The following COX7B2 variants were observed in gnomAD, a reference collection of about 807,000 sequenced individuals.
COX7B2 encodes cytochrome c oxidase subunit 7B2.
For missense variants in COX7B2, 109 were observed against 95.9 expected (o/e 1.14, Z -0.57); for synonymous variants, 37 against 32.1 (o/e 1.15, Z -0.51).
intron 1 of COX7B2, among the ~76,000 whole-genome samples, chr4:46,872,235 A>T (rs1718037654): frequency 2.6e-5 from 4 of 152,182 alleles, no homozygotes; most frequent in Admixed American, 2.0e-4. Flanking sequence ...AAAACCAAAT[A>T]CTACATGTTA....
chr4:46,759,472 G>T (rs866935310), intron 2 of COX7B2, among the ~76,000 whole-genome samples: 10 of 151,812 alleles, frequency 6.6e-5, no homozygotes, highest in African/African-American at 2.4e-4. Flanking sequence ...CTAATATCAA[G>T]AATCTACAAA....
chr4:46,811,326 GCT>G (rs544181190), intron 2 of COX7B2, among the ~76,000 whole-genome samples: 155 of 150,808 alleles, frequency 1.0e-3, no homozygotes, highest in African/African-American at 3.6e-3. Context: ...AGGCCTATAG[GCT>G]TTTTTTTTTT....
intron 2 of COX7B2, among the ~76,000 whole-genome samples, chr4:46,801,509 T>G (rs544930092): frequency 6.6e-6 from 1 of 152,108 alleles, no homozygotes; most frequent in East Asian, 1.9e-4. Context: ...TTCCTACTTA[T>G]AAGTGAGAAC....
chr4:46,892,782 G>A (rs1265780344), intron 1 of COX7B2, among the ~76,000 whole-genome samples: 4 of 152,124 alleles, frequency 2.6e-5, no homozygotes, highest in East Asian at 1.9e-4. Flanking sequence ...GGACCGATAC[G>A]GTTTCGCTGT....
chr4:46,862,599 C>T (rs1262627920), intron 1 of COX7B2, among the ~76,000 whole-genome samples: 8 of 152,000 alleles, frequency 5.3e-5, no homozygotes, highest in South Asian at 2.1e-4. Flanking sequence ...AAATGTCTTC[C>T]GAATTTTCAA....
intron 2 of COX7B2, among the ~76,000 whole-genome samples, chr4:46,820,090 T>C (rs539275489): frequency 2.4e-4 from 37 of 152,354 alleles, no homozygotes; most frequent in Non-Finnish European, 2.9e-4. Context: ...ACGTTACATT[T>C]ATTGTGCACT....
At chr4:46,779,631 T>G (rs115602983) in intron 2 of COX7B2, among the ~76,000 whole-genome samples, 1,675 of 152,260 alleles carry the variant, frequency 0.011, 20 homozygotes, top group Middle Eastern at 0.041. Context: ...TGCACCAATC[T>G]ACATTCCCAC....
intron 2 of COX7B2, among the ~76,000 whole-genome samples, chr4:46,820,593 C>A (rs1292740960): frequency 6.6e-6 from 1 of 151,918 alleles, no homozygotes; most frequent in Non-Finnish European, 1.5e-5. Flanking sequence ...TTTGGGAGGC[C>A]AAGGTGGGCA....
At chr4:46,833,290 G>A (rs1015612890) in intron 2 of COX7B2, among the ~76,000 whole-genome samples, 8 of 152,076 alleles carry the variant, frequency 5.3e-5, no homozygotes, top group African/African-American at 1.9e-4. Flanking sequence ...AGTATGTCCT[G>A]GCATCAACTT....
intron 2 of COX7B2, among the ~76,000 whole-genome samples, chr4:46,759,901 C>A (rs1328986879): frequency 1.4e-5 from 2 of 147,250 alleles, no homozygotes; most frequent in Admixed American, 1.4e-4. Flanking sequence ...TTATATAAGT[C>A]TTATCTTATA....
At chr4:46,760,834 C>T (rs1716106016) in intron 2 of COX7B2, among the ~76,000 whole-genome samples, 1 of 151,918 alleles carries the variant, frequency 6.6e-6, no homozygotes, top group South Asian at 2.1e-4. Context: ...AATTAATGAA[C>T]AAGAAGATAA....
At chr4:46,776,003 A>T (rs1274432052) in intron 2 of COX7B2, among the ~76,000 whole-genome samples, 1 of 152,194 alleles carries the variant, frequency 6.6e-6, no homozygotes, top group Non-Finnish European at 1.5e-5. Context: ...AAACTGAAGA[A>T]TATTTATCTA....
chr4:46,753,815 C>A (rs191861026), intron 2 of COX7B2, among the ~76,000 whole-genome samples: 6 of 152,120 alleles, frequency 3.9e-5, no homozygotes, highest in African/African-American at 9.7e-5. Context: ...ATCTACCCAT[C>A]TGACAAAGGG....
intron 2 of COX7B2, among the ~76,000 whole-genome samples, chr4:46,748,065 T>C (rs535308698): frequency 7.0e-6 from 1 of 143,866 alleles, no homozygotes; most frequent in South Asian, 2.5e-4. Flanking sequence ...TCAACACCTA[T>C]AACTTTCTGA....
chr4:46,899,460 A>G (rs1719955285), intron 1 of COX7B2, among the ~76,000 whole-genome samples: 2 of 152,190 alleles, frequency 1.3e-5, no homozygotes, highest in Admixed American at 6.5e-5. Flanking sequence ...ATCCATTTTG[A>G]TAAAACCCTA....
chr4:46,871,484 CA>C (rs1717985866), intron 1 of COX7B2, among the ~76,000 whole-genome samples: 1 of 152,100 alleles, frequency 6.6e-6, no homozygotes, highest in African/African-American at 2.4e-5. Context: ...CAAAAATTCA[CA>C]AGTGGGATCT....
At chr4:46,780,421 G>A (rs1286240956) in intron 2 of COX7B2, among the ~76,000 whole-genome samples, 1 of 152,164 alleles carries the variant, frequency 6.6e-6, no homozygotes, top group Non-Finnish European at 1.5e-5. Flanking sequence ...GGAGGCTGAG[G>A]CAGGAGAATG....
intron 2 of COX7B2, among the ~76,000 whole-genome samples, chr4:46,805,084 G>A (rs913533360): frequency 1.7e-4 from 26 of 152,274 alleles, no homozygotes; most frequent in South Asian, 4.1e-4. Flanking sequence ...CAGCCACTCC[G>A]AGTGCAGGAC....
chr4:46,821,149 T>C (rs1714254945), intron 2 of COX7B2, among the ~76,000 whole-genome samples: 1 of 152,174 alleles, frequency 6.6e-6, no homozygotes, highest in East Asian at 1.9e-4. Flanking sequence ...ATATGCATTT[T>C]CAATTAATTA....
Sources: gnomAD v4.1 joint callset for allele counts (sites outside exome capture counted in the v4.1 genomes callset) on GRCh38, gnomAD v4.1.1 for gene constraint, MANE v1.5 for transcripts, NCBI Gene and HGNC (gene_info 2026-07-23, HGNC 2026-07-21) for gene names.